The following VOPP1 variants were observed in gnomAD, a reference collection of about 807,000 sequenced individuals.
The protein encoded by VOPP1 is VOPP1 WW domain binding protein.
VOPP1 carries 8 observed loss-of-function variants against 23.5 expected under a neutral mutation model. The observed-to-expected ratio is 0.34, with a 90% CI of 0.20 to 0.61. The LOEUF is 0.61. VOPP1 is among the 20% of genes least tolerant of loss of function. The pLI is 0.78. For missense variants in VOPP1, 174 were observed against 238.1 expected, an observed-to-expected ratio of 0.73 and a Z score of 1.77; for synonymous variants, 83 against 97.3, an observed-to-expected ratio of 0.85 and a Z score of 0.86.
chr7:55,479,776 T>C (rs1792564524), intron 4 of VOPP1, among the ~76,000 whole-genome samples: 2 of 152,208 alleles, frequency 1.3e-5, no homozygotes, highest in Non-Finnish European at 2.9e-5. Context: ...TCAAAAGGCA[T>C]AGCTGGTAAC....
chr7:55,511,492 C>T lies in VOPP1; in HGVS notation c.113+9580G>A, dbSNP rs138204499. Among the ~76,000 whole-genome samples, 745 of 152,262 alleles carry T rather than the reference C, an allele frequency of 4.9e-3. 7 individuals carry two copies. Among genetic ancestry groups the T allele is most frequent in the African/African-American group, 0.016 (683 of 41,534 alleles). On this transcript the variant is annotated intron_variant, in intron 2 of 4. Transcript: ENST00000285279. ...ATTAAAAATTTGTTTAGGAGCACAGCTTAAAATTTTAGAATGTGAAAGAAA... is the reference window on the plus strand; with the variant it reads ...ATTAAAAATTTGTTTAGGAGCACAGTTTAAAATTTTAGAATGTGAAAGAAA...
intron 1 of VOPP1, among the ~76,000 whole-genome samples, chr7:55,535,543 C>T (rs1019583045): frequency 4.6e-5 from 7 of 152,196 alleles, no homozygotes; most frequent in South Asian, 2.1e-4. Flanking sequence ...CATTTCCATC[C>T]ATGCACCTCT....
chr7:55,542,301 T>C (rs1489032403), intron 1 of VOPP1, among the ~76,000 whole-genome samples: 2 of 152,196 alleles, frequency 1.3e-5, no homozygotes, highest in East Asian at 3.9e-4. Context: ...TTTTGAAATA[T>C]ATAATTAATT....
chr7:55,494,463 A>G (rs1793804833), intron 3 of VOPP1, among the ~76,000 whole-genome samples: 2 of 152,168 alleles, frequency 1.3e-5, no homozygotes, highest in Admixed American at 6.5e-5. Context: ...CACTGCCAAC[A>G]GTAGTAAGAA....
At chr7:55,533,031 G>C (rs764062854) in intron 1 of VOPP1, among the ~76,000 whole-genome samples, 10 of 152,200 alleles carry the variant, frequency 6.6e-5, no homozygotes, top group Non-Finnish European at 1.3e-4. Flanking sequence ...CTGTGTATCA[G>C]AAAATCTTCA....
chr7:55,501,935 T>C (rs1794399305), intron 2 of VOPP1, among the ~76,000 whole-genome samples: 1 of 152,192 alleles, frequency 6.6e-6, no homozygotes, highest in South Asian at 2.1e-4. Flanking sequence ...GTGCTCTAGC[T>C]CTGAGCACAG....
intron 4 of VOPP1, among the ~76,000 whole-genome samples, chr7:55,484,207 T>A (rs187824215): frequency 3.0e-4 from 46 of 152,330 alleles, no homozygotes; most frequent in East Asian, 1.9e-3. Flanking sequence ...ACTTTTTAAC[T>A]TTTATTACTA....
downstream of VOPP1, among the ~76,000 whole-genome samples, chr7:55,466,914 C>G (rs115499161): frequency 0.026 from 3,904 of 152,290 alleles, 178 homozygotes; most frequent in African/African-American, 0.09. Context: ...GTGGTCCCAG[C>G]CTTTTTGGCA....
intron 4 of VOPP1, among the ~76,000 whole-genome samples, chr7:55,475,930 C>A (rs1337087259): frequency 1.3e-5 from 2 of 152,180 alleles, no homozygotes; most frequent in Admixed American, 1.3e-4. Context: ...ACCAAGGTCA[C>A]GCTACCGCTA....
intron 1 of VOPP1, among the ~76,000 whole-genome samples, chr7:55,564,268 G>T (rs11489748): frequency 0.17 from 9,299 of 53,960 alleles, 926 homozygotes; most frequent in African/African-American, 0.35. Context: ...TCTCTCTCTC[G>T]CTCGCTTGCT....
chr7:55,515,292 A>T (rs1266995547), intron 2 of VOPP1, among the ~76,000 whole-genome samples: 1 of 152,192 alleles, frequency 6.6e-6, no homozygotes, highest in East Asian at 1.9e-4. Context: ...GCACCGAGGA[A>T]GGCCCAGGTA....
chr7:55,512,652 G>A (rs908032319), intron 2 of VOPP1, among the ~76,000 whole-genome samples: 2 of 152,186 alleles, frequency 1.3e-5, no homozygotes, highest in African/African-American at 4.8e-5. Flanking sequence ...ATCTCCTGAC[G>A]GCAAAATAGT....
chr7:55,569,495 C>T (rs1329330768), intron 1 of VOPP1, among the ~76,000 whole-genome samples: 1 of 152,150 alleles, frequency 6.6e-6, no homozygotes, highest in Middle Eastern at 3.2e-3. Flanking sequence ...AGCAGAGCAT[C>T]GAGGTGGGGT....
chr7:55,528,074 A>T (rs552334710), intron 1 of VOPP1, among the ~76,000 whole-genome samples: 2 of 152,348 alleles, frequency 1.3e-5, no homozygotes, highest in African/African-American at 4.8e-5. Context: ...AATGTTATTT[A>T]AAAAACTAGA....
intron 1 of VOPP1, chr7:55,552,881 T>C: frequency 7.5e-7 from 1 of 1,329,266 alleles, no homozygotes; most frequent in Non-Finnish European, 9.8e-7. Context: ...CCTCCTAGAC[T>C]AAACTCCTGA....
intron 1 of VOPP1, among the ~76,000 whole-genome samples, chr7:55,555,052 AATC>A (rs1797755714): frequency 6.6e-6 from 1 of 152,246 alleles, no homozygotes; most frequent in Non-Finnish European, 1.5e-5. Context: ...CACTACAATG[AATC>A]ATGCCTCTAG....
At chr7:55,435,693 TGA>T (rs1357472030), downstream of VOPP1, among the ~76,000 whole-genome samples, 3 of 152,242 alleles carry the variant, frequency 2.0e-5, no homozygotes, top group Non-Finnish European at 4.4e-5. Context: ...CCCCAGAGGC[TGA>T]GGCGCAGGGG....
intron 2 of VOPP1, among the ~76,000 whole-genome samples, chr7:55,500,651 G>C (rs1794301696): frequency 6.6e-6 from 1 of 152,210 alleles, no homozygotes; most frequent in Non-Finnish European, 1.5e-5. Flanking sequence ...GAGTCAAGAA[G>C]AACACAGCTT....
At chr7:55,469,035 T>C (rs1322954144), downstream of VOPP1, among the ~76,000 whole-genome samples, 1 of 152,248 alleles carries the variant, frequency 6.6e-6, no homozygotes, top group East Asian at 1.9e-4. Flanking sequence ...GTTTTTATAG[T>C]ATAAATAGTT....
Sources: gnomAD v4.1 joint callset for allele counts (sites outside exome capture counted in the v4.1 genomes callset) on GRCh38, gnomAD v4.1.1 for gene constraint, MANE v1.5 for transcripts, NCBI Gene and HGNC (gene_info 2026-07-23, HGNC 2026-07-21) for gene names.